PTGFR: variants seen among roughly 807,000 people sequenced by gnomAD.
The protein encoded by PTGFR is prostaglandin F2-alpha receptor.
Under a neutral mutation model 26.2 loss-of-function variants are expected in PTGFR, and 15 were observed. That is an observed-to-expected ratio of 0.57 (90% confidence interval 0.38 to 0.88). The LOEUF (loss-of-function observed/expected upper bound fraction) is 0.88. Among genes scored for constraint, PTGFR ranks in the 40% least tolerant of loss-of-function variants. The pLI, the probability that PTGFR is intolerant of heterozygous loss-of-function variation, is 0.00. For missense variants in PTGFR, 369 were observed against 427.2 expected (o/e 0.86, Z 1.20); for synonymous variants, 165 against 151.1 (o/e 1.09, Z -0.68).
chr1:78,519,745 A>G (rs1330811397), intron 2 of PTGFR, among the ~76,000 whole-genome samples: 2 of 152,076 alleles, frequency 1.3e-5, no homozygotes, highest in Admixed American at 6.6e-5. Context: ...AAGAAACTTC[A>G]TTTATGTTTA....
At chr1:78,491,756 C>T (rs3766355) in intron 1 of PTGFR, among the ~76,000 whole-genome samples, 1 of 152,032 alleles carries the variant, frequency 6.6e-6, no homozygotes, top group Non-Finnish European at 1.5e-5. Flanking sequence ...CAGTTCCACT[C>T]GGGCTGGGCG....
chr1:78,507,270 T>C (rs1022719920), intron 2 of PTGFR, among the ~76,000 whole-genome samples: 1 of 152,188 alleles, frequency 6.6e-6, no homozygotes, highest in African/African-American at 2.4e-5. Flanking sequence ...ACTCATCCTT[T>C]TTCCCAGAGA....
At chr1:78,504,755 C>G (rs953951409) in intron 2 of PTGFR, among the ~76,000 whole-genome samples, 1 of 152,046 alleles carries the variant, frequency 6.6e-6, no homozygotes, top group African/African-American at 2.4e-5. Flanking sequence ...AGTTAATGAT[C>G]TGAATTTTCT....
At chr1:78,532,271 G>A in intron 2 of PTGFR, 1 of 377,400 alleles carries the variant, frequency 2.6e-6, no homozygotes, top group South Asian at 1.9e-5. Context: ...GAGGCAACAT[G>A]AAAGTGGATC....
intron 2 of PTGFR, among the ~76,000 whole-genome samples, chr1:78,507,005 A>G (rs1649841743): frequency 6.6e-6 from 1 of 152,200 alleles, no homozygotes; most frequent in African/African-American, 2.4e-5. Flanking sequence ...CTCAAATACC[A>G]TTTAAATTAT....
rs1161584817 is a variant in PTGFR at position 78,538,102 on chromosome 1, T to A, written c.*1415T>A. 4 of 152,140 alleles carry A rather than the reference T, an allele frequency of 2.6e-5. No individual in the cohort carries two copies. The highest frequency in any genetic ancestry group is 5.9e-5 in the Non-Finnish European group (4 of 68,014). 9.4% of individuals were successfully genotyped at this position (152,140 alleles called of 1,614,324 possible). A position where few individuals can be genotyped will look rare whatever the true frequency, so the allele number is the denominator to read the frequency against. Reference sequence around the variant, plus strand: ...GTAAGTAACCAGAAGACCTTTCAGATGGTTTATTTGCTTTCAGCAGAGAAT... The same window carrying A: ...GTAAGTAACCAGAAGACCTTTCAGAAGGTTTATTTGCTTTCAGCAGAGAAT... On this transcript the variant is annotated 3_prime_UTR_variant, in exon 3 of 3. Transcript: ENST00000370757.
At chr1:78,512,864 C>G (rs1650006012) in intron 2 of PTGFR, among the ~76,000 whole-genome samples, 1 of 152,068 alleles carries the variant, frequency 6.6e-6, no homozygotes, top group Admixed American at 6.5e-5. Flanking sequence ...GGCATGATAT[C>G]TGGTTGTTTC....
At chr1:78,517,482 A>G (rs1650117964) in intron 2 of PTGFR, among the ~76,000 whole-genome samples, 2 of 152,154 alleles carry the variant, frequency 1.3e-5, no homozygotes, top group Admixed American at 6.6e-5. Flanking sequence ...TTAGATATTC[A>G]AGGACATCCT....
At chr1:78,534,277 T>C (rs1379084841) in intron 2 of PTGFR, among the ~76,000 whole-genome samples, 2 of 152,172 alleles carry the variant, frequency 1.3e-5, no homozygotes, top group Non-Finnish European at 2.9e-5. Flanking sequence ...TCAACGCTTG[T>C]CAGGAGACTG....
chr1:78,521,791 G>A (rs1650248630), intron 2 of PTGFR, among the ~76,000 whole-genome samples: 1 of 152,076 alleles, frequency 6.6e-6, no homozygotes, highest in Non-Finnish European at 1.5e-5. Flanking sequence ...ACTTTCTCCA[G>A]TAAGTGTAAT....
At chr1:78,508,371 C>T (rs1649876458) in intron 2 of PTGFR, among the ~76,000 whole-genome samples, 1 of 152,158 alleles carries the variant, frequency 6.6e-6, no homozygotes, top group South Asian at 2.1e-4. Flanking sequence ...TGGCTGGAAA[C>T]TTCATGGTTT....
intron 2 of PTGFR, among the ~76,000 whole-genome samples, chr1:78,495,190 T>C (rs1172992245): frequency 6.6e-6 from 1 of 152,224 alleles, no homozygotes; most frequent in Non-Finnish European, 1.5e-5. Context: ...AGTCAACCTT[T>C]GGAGACCTGA....
intron 2 of PTGFR, among the ~76,000 whole-genome samples, chr1:78,520,113 T>C (rs967217997): frequency 2.6e-5 from 4 of 152,076 alleles, no homozygotes; most frequent in African/African-American, 7.2e-5. Context: ...AACCAGACAC[T>C]ATTACCTTTT....
rs1211388653 is a variant in PTGFR at position 78,537,502 on chromosome 1, C to A, written c.*815C>A. On this transcript the variant is annotated 3_prime_UTR_variant, in exon 3 of 3. Coordinates refer to ENST00000370757, the MANE Select transcript of PTGFR (RefSeq NM_000959.4). The stretch of plus-strand genomic sequence containing the variant: ...AATTACAGCAGTTTCAAAACTCTAC[C>A]ATGGATAATGCAAACAAACCGAAGC... 1 of 152,058 alleles carries A rather than the reference C, an allele frequency of 6.6e-6. No individual in the cohort carries two copies. The highest frequency in any genetic ancestry group is 1.5e-5 in the Non-Finnish European group (1 of 67,996). The allele number at this position is 152,058 out of a possible 1,614,324, so 9.4% of individuals were successfully genotyped here. A position where few individuals can be genotyped will look rare whatever the true frequency, so the allele number is the denominator to read the frequency against.
chr1:78,532,367 TA>T (rs1650530707), intron 2 of PTGFR: 1 of 88,664 alleles, frequency 1.1e-5, no homozygotes, highest in African/African-American at 1.1e-4. Flanking sequence ...AATTCATTTA[TA>T]TATATATATA....
chr1:78,494,369 CA>C (rs374878562), intron 2 of PTGFR, among the ~76,000 whole-genome samples: 4,048 of 151,702 alleles, frequency 0.027, 87 homozygotes, highest in African/African-American at 0.056. Context: ...AAAACAAAAA[CA>C]AAAAAAACCC....
At chr1:78,517,248 C>T (rs1018214370) in intron 2 of PTGFR, among the ~76,000 whole-genome samples, 8 of 152,096 alleles carry the variant, frequency 5.3e-5, no homozygotes, top group Admixed American at 5.2e-4. Flanking sequence ...CAGTGCTTTC[C>T]ATGTGTAAGA....
intron 2 of PTGFR, among the ~76,000 whole-genome samples, chr1:78,503,035 T>A (rs939677850): frequency 3.3e-5 from 5 of 152,040 alleles, no homozygotes; most frequent in African/African-American, 1.2e-4. Context: ...ATAAATGTAA[T>A]CGAAAGTCAA....
At chr1:78,513,612 T>C (rs373439633) in intron 2 of PTGFR, among the ~76,000 whole-genome samples, 1 of 150,252 alleles carries the variant, frequency 6.7e-6, no homozygotes, top group African/African-American at 2.4e-5. Flanking sequence ...AAATTTGCAG[T>C]TTAATCTTCT....
Sources: allele counts gnomAD v4.1 joint callset (sites outside exome capture counted in the v4.1 genomes callset), GRCh38; gene constraint gnomAD v4.1.1; transcripts MANE v1.5; gene names NCBI Gene and HGNC (gene_info 2026-07-23, HGNC 2026-07-21).